The following SLC5A8 variants were observed in gnomAD, a reference collection of about 807,000 sequenced individuals.
SLC5A8 encodes sodium-coupled monocarboxylate transporter 1.
In SLC5A8, 55 loss-of-function variants were observed where a neutral mutation model predicts 71.9. The observed-to-expected ratio is 0.77, with a 90% CI of 0.62 to 0.96. The LOEUF (loss-of-function observed/expected upper bound fraction) is 0.96, where lower values mean the gene tolerates loss of function less well. Among genes scored for constraint, SLC5A8 ranks in the 40% least tolerant of loss-of-function variants. The probability of loss-of-function intolerance (pLI) is 0.00; values close to 1 mark genes in which losing one functional copy is unlikely to be tolerated. For missense variants in SLC5A8, 701 were observed against 745.3 expected (o/e 0.94, Z 0.69); for synonymous variants, 307 against 276.1 (o/e 1.11, Z -1.11).
chr12:101,156,592 G>A lies in SLC5A8; in HGVS notation c.*687C>T, dbSNP rs1415437688. 1 of 152,162 alleles carries A rather than the reference G, an allele frequency of 6.6e-6. No homozygotes were observed. Among genetic ancestry groups the A allele is most frequent in the Non-Finnish European group, 1.5e-5 (1 of 68,072 alleles). 9.4% of individuals were successfully genotyped at this position (152,162 alleles called of 1,614,324 possible). ...AGATAAAAATTACAGTCTAAGAAAG[G>A]CAGTATCAGCAGCCAAAGCCCAGAA... On this transcript the variant is annotated 3_prime_UTR_variant, in exon 15 of 15. Coordinates refer to ENST00000536262, the MANE Select transcript of SLC5A8 (RefSeq NM_145913.5).
intron 6 of SLC5A8, among the ~76,000 whole-genome samples, chr12:101,188,524 C>G (rs1420388409): frequency 6.6e-6 from 1 of 152,156 alleles, no homozygotes; most frequent in Admixed American, 6.5e-5. Context: ...GCCCAGTCCC[C>G]TCACCCTAAC....
intron 10 of SLC5A8, among the ~76,000 whole-genome samples, chr12:101,178,614 A>C (rs2051903160): frequency 6.6e-6 from 1 of 152,204 alleles, no homozygotes; most frequent in African/African-American, 2.4e-5. Flanking sequence ...ATAGAGGAAA[A>C]GAGAATGTCA....
intron 5 of SLC5A8, among the ~76,000 whole-genome samples, chr12:101,192,652 A>G (rs1868964614): frequency 6.6e-6 from 1 of 152,210 alleles, no homozygotes. Flanking sequence ...ATGTTACATC[A>G]TGTGCTGTAC....
chr12:101,179,749 G>T (rs891409950), intron 10 of SLC5A8, among the ~76,000 whole-genome samples: 6 of 152,122 alleles, frequency 3.9e-5, no homozygotes, highest in Non-Finnish European at 7.3e-5. Flanking sequence ...GTTTGATATT[G>T]TACTATCAAG....
At chr12:101,164,332 CAACA>C (rs1287293037) in intron 12 of SLC5A8, among the ~76,000 whole-genome samples, 1 of 151,962 alleles carries the variant, frequency 6.6e-6, no homozygotes, top group East Asian at 1.9e-4. Context: ...TCCAAATGGC[CAACA>C]AACAAATGAA....
At chr12:101,203,616 G>A (rs183652357) in intron 2 of SLC5A8, among the ~76,000 whole-genome samples, 4 of 152,266 alleles carry the variant, frequency 2.6e-5, no homozygotes, top group Admixed American at 2.0e-4. Context: ...CAAAGTGCTG[G>A]GATTACAGGC....
chr12:101,158,624 ATATATATATG>A (rs1442198793), intron 13 of SLC5A8, among the ~76,000 whole-genome samples: 7 of 128,736 alleles, frequency 5.4e-5, no homozygotes, highest in East Asian at 2.4e-4. Flanking sequence ...ATATATATAT[ATATATATATG>A]TATCATATAT....
chr12:101,209,904 C>A lies in SLC5A8; in HGVS notation c.-56G>T, dbSNP rs892829812. The A allele has an allele frequency of 1.7e-5, 24 of 1,418,422 alleles. No homozygotes were observed. Among genetic ancestry groups the A allele is most frequent in the Non-Finnish European group, 2.2e-5 (24 of 1,074,096 alleles). 87.9% of individuals were successfully genotyped at this position (1,418,422 alleles called of 1,614,324 possible). A position where few individuals can be genotyped will look rare whatever the true frequency, so the allele number is the denominator to read the frequency against. The stretch of plus-strand genomic sequence containing the variant: ...AACTGGTGGCCCCGCGGCGCGCAGC[C>A]GGAGCCCGGCGCGCACTTCTTATCC... On this transcript the variant is annotated 5_prime_UTR_variant, in exon 1 of 15. Transcript: ENST00000536262.
rs751064416 is a variant in SLC5A8, at chr12:101,187,512, A to T, written c.837T>A (p.Ser279=). The change falls in exon 7 of 15, where the codon TCT becomes TCA. Residue 279 remains serine, a synonymous_variant. Coordinates refer to ENST00000536262, the MANE Select transcript of SLC5A8 (RefSeq NM_145913.5). ...AGAGTCCCACAAGATTGATGTAGAGAGACCTAAAGAAGTGAAAACAAACCA... is the reference window on the plus strand; with the variant it reads ...AGAGTCCCACAAGATTGATGTAGAGTGACCTAAAGAAGTGAAAACAAACCA... The part of the protein sequence containing the change: ...SCKSRFQAKL[S]LYINLVGLWA... 1.9e-6 allele frequency: 3 copies of T among 1,605,622 alleles called. No homozygotes were observed. In the Admixed American group the frequency reaches 5.1e-5, roughly 27 times the overall value.
Position 101,158,275 on chromosome 12 carries a change from A to T in SLC5A8, c.1684T>A (p.Leu562Ile). 5 of 1,591,388 alleles carry T rather than the reference A, an allele frequency of 3.1e-6. No individual in the cohort carries two copies. The highest frequency in any genetic ancestry group is 4.3e-6 in the Non-Finnish European group (5 of 1,165,676). The change falls in exon 14 of 15, where the codon TTA (leucine) becomes ATA (isoleucine). Residue 562 changes from leucine to isoleucine, a missense_variant. By Grantham distance (5) the Leu-to-Ile change is conservative. Transcript: ENST00000536262. ...PRYILTKEDFLSNFDIFKKKK... is the reference protein window; with the variant it reads ...PRYILTKEDFISNFDIFKKKK... ...TTCTTAAAAATATCAAAATTGGATAAAAAGTCCTCTTTGGTTAGTATGTAT... is the reference window on the plus strand; with the variant it reads ...TTCTTAAAAATATCAAAATTGGATATAAAGTCCTCTTTGGTTAGTATGTAT...
chr12:101,183,784 A>T (rs1479396144), intron 8 of SLC5A8, among the ~76,000 whole-genome samples: 1 of 152,202 alleles, frequency 6.6e-6, no homozygotes, highest in Non-Finnish European at 1.5e-5. Context: ...TTTCCAGTTG[A>T]CCACGCTTCA....
intron 10 of SLC5A8, among the ~76,000 whole-genome samples, chr12:101,169,064 G>A (rs1187817629): frequency 6.6e-6 from 1 of 152,172 alleles, no homozygotes; most frequent in African/African-American, 2.4e-5. Context: ...GAGTAGAGAG[G>A]AGAACTAGTG....
intron 10 of SLC5A8, among the ~76,000 whole-genome samples, chr12:101,178,452 A>G (rs543844993): frequency 6.6e-6 from 1 of 152,318 alleles, no homozygotes; most frequent in East Asian, 1.9e-4. Context: ...GCTGTGTGGT[A>G]TTGGCAGAAG....
At chr12:101,160,398 T>A (rs1262434314) in intron 13 of SLC5A8, among the ~76,000 whole-genome samples, 2 of 152,172 alleles carry the variant, frequency 1.3e-5, no homozygotes, top group Non-Finnish European at 2.9e-5. Context: ...GACAGTGCTA[T>A]CTCAGTGCCA....
chr12:101,169,304 T>C (rs2137128942), intron 10 of SLC5A8, among the ~76,000 whole-genome samples: 1 of 152,332 alleles, frequency 6.6e-6, no homozygotes, highest in South Asian at 2.1e-4. Flanking sequence ...GGAGTTATGA[T>C]GACTTTGCTA....
In SLC5A8 at chr12:101,158,362, A is replaced by T. The variant is rs115153603; in HGVS notation, c.1631-34T>A. 4.0e-3 allele frequency: 5,592 copies of T among 1,383,380 alleles called. 209 individuals carry two copies. In the African/African-American group the frequency reaches 0.073, roughly 18 times the overall value. The allele number at this position is 1,383,380 out of a possible 1,614,324, so 85.7% of individuals were successfully genotyped here. The stretch of plus-strand genomic sequence containing the variant: ...AAAAATGTACATGACTTACGTTGTT[A>T]AAAAGGACACCAGTAACTACACAGA... On this transcript the variant is annotated intron_variant, in intron 13 of 14. Transcript: ENST00000536262.
rs1481385025 is a variant in SLC5A8, at chr12:101,200,027, AAAAAAAAAAAAAAAAAAAAAAAAAAAAG to A, written c.469+2109_469+2136del. 5.8e-4 allele frequency among the ~76,000 whole-genome samples: 60 copies of A among 104,172 alleles called. 2 individuals are homozygous for A. Among genetic ancestry groups the A allele is most frequent in the African/African-American group, 1.6e-3 (40 of 24,728 alleles). 68.3% of individuals were successfully genotyped at this position (104,172 alleles called of 152,430 possible). A position where few individuals can be genotyped will look rare whatever the true frequency, so the allele number is the denominator to read the frequency against. On this transcript the variant is annotated intron_variant, in intron 3 of 14. Coordinates refer to ENST00000536262, the MANE Select transcript of SLC5A8 (RefSeq NM_145913.5). ...CTACCAGCAAAAAAAAAAAAAAAAA[AAAAAAAAAAAAAAAAAAAAAAAAAAAAG>A]GGAATGAACTACTGATATATATGTA...
In SLC5A8 at chr12:101,157,395, G is replaced by T. The variant is rs202098151; in HGVS notation, c.1717C>A (p.His573Asn). The part of the protein sequence containing the change: ...SNFDIFKKKK[H>N]VLSYKSHPVE... ...GGATGTGATTTATAGCTCAAAACAT[G>T]CTTCTTCTAAAAGAAAATGTTAACA... is the stretch of plus-strand genomic sequence containing the variant. Residue 573 changes from histidine (H) to asparagine (N), a missense_variant, in exon 15 of 15, where the codon CAT becomes AAT. His to Asn is a moderately conservative substitution (Grantham distance 68). Transcript: ENST00000536262. 392 of 1,594,572 alleles carry T rather than the reference G, an allele frequency of 2.5e-4. No homozygotes were observed. Among genetic ancestry groups the T allele is most frequent in the Non-Finnish European group, 3.0e-4 (354 of 1,169,626 alleles).
intron 12 of SLC5A8, among the ~76,000 whole-genome samples, chr12:101,163,644 C>G (rs2051742608): frequency 6.6e-6 from 1 of 152,158 alleles, no homozygotes; most frequent in Non-Finnish European, 1.5e-5. Context: ...GGGCAACAGA[C>G]TGAGACTCCG....
Sources: allele counts gnomAD v4.1 joint callset (sites outside exome capture counted in the v4.1 genomes callset), GRCh38; gene constraint gnomAD v4.1.1; transcripts MANE v1.5; gene names NCBI Gene and HGNC (gene_info 2026-07-23, HGNC 2026-07-21).